The following LARP4 variants were observed in gnomAD, a reference collection of about 807,000 sequenced individuals.
LARP4 encodes La ribonucleoprotein 4.
LARP4 carries 29 observed loss-of-function variants against 92.9 expected under a neutral mutation model. The ratio of observed to expected loss-of-function variants is 0.31; its 90% CI spans 0.23 to 0.43. The LOEUF is 0.43. LARP4 is among the 20% of genes least tolerant of loss of function. The probability of loss-of-function intolerance (pLI) is 1.00; values close to 1 mark genes in which losing one functional copy is unlikely to be tolerated. For missense variants in LARP4, 732 were observed against 860.0 expected (o/e 0.85, Z 1.86); for synonymous variants, 279 against 284.1 (o/e 0.98, Z 0.18).
intron 4 of LARP4, among the ~76,000 whole-genome samples, chr12:50,434,565 C>T (rs1444851470): frequency 3.2e-4 from 49 of 151,512 alleles, no homozygotes; most frequent in Non-Finnish European, 1.0e-4. Flanking sequence ...ACCACCAAGC[C>T]TGGCTAATTT....
chr12:50,408,784 T>A (rs1296053859), intron 1 of LARP4, among the ~76,000 whole-genome samples: 1 of 152,162 alleles, frequency 6.6e-6, no homozygotes, highest in Non-Finnish European at 1.5e-5. Flanking sequence ...GGCAAGACTT[T>A]CTTTCCTGCT....
chr12:50,450,585 G>A (rs1278087261), intron 8 of LARP4, among the ~76,000 whole-genome samples: 1 of 151,876 alleles, frequency 6.6e-6, no homozygotes, highest in Admixed American at 6.6e-5. Context: ...AAAAAAATCC[G>A]CCTCCTGGGT....
At chr12:50,424,442 A>G (rs1304186787) in intron 1 of LARP4, among the ~76,000 whole-genome samples, 2 of 147,380 alleles carry the variant, frequency 1.4e-5, no homozygotes, top group Non-Finnish European at 3.0e-5. Context: ...CACCGCAACC[A>G]CTGTCTATGG....
At chr12:50,450,561 T>C (rs781606960) in intron 8 of LARP4, among the ~76,000 whole-genome samples, 46 of 151,992 alleles carry the variant, frequency 3.0e-4, no homozygotes, top group Non-Finnish European at 6.0e-4. Context: ...CTTTTTCCCA[T>C]ATGAAAATCT....
chr12:50,417,521 A>G (rs1947039109), intron 1 of LARP4, among the ~76,000 whole-genome samples: 1 of 152,158 alleles, frequency 6.6e-6, no homozygotes, highest in African/African-American at 2.4e-5. Context: ...TAACATCTCT[A>G]ATCCAAGATG....
intron 11 of LARP4, among the ~76,000 whole-genome samples, chr12:50,462,126 A>G (rs1189409893): frequency 6.6e-6 from 1 of 152,110 alleles, no homozygotes; most frequent in Non-Finnish European, 1.5e-5. Flanking sequence ...CCCTCAGAAT[A>G]ATATATTATC....
At chr12:50,461,380 A>T in intron 11 of LARP4, 33 bp downstream of exon 11, 1 of 1,560,744 alleles carries the variant, frequency 6.4e-7, no homozygotes, top group Non-Finnish European at 8.8e-7. Flanking sequence ...AACCTTTGAT[A>T]ATAATGTGAT....
rs1447741084 is a variant in LARP4 at position 50,478,943 on chromosome 12, A to G, written c.*3079A>G. ...TTGCAGATGATCAGATGCTGTGCAG[A>G]ATTCTGATTTATTTTTGTTTCCTAA... On this transcript the variant is annotated 3_prime_UTR_variant, in exon 16 of 16. Coordinates refer to ENST00000398473, the MANE Select transcript of LARP4 (RefSeq NM_052879.5). 3.3e-5 allele frequency: 5 copies of G among 152,222 alleles called. No individual in the cohort carries two copies. Among genetic ancestry groups the G allele is most frequent in the African/African-American group, 1.2e-4 (5 of 41,454 alleles). 9.4% of individuals were successfully genotyped at this position (152,222 alleles called of 1,614,324 possible).
At chr12:50,410,647 G>A (rs1032875169) in intron 1 of LARP4, among the ~76,000 whole-genome samples, 4 of 151,078 alleles carry the variant, frequency 2.6e-5, no homozygotes, top group African/African-American at 9.7e-5. Context: ...CTCATGATCC[G>A]CCCTCCTCAG....
chr12:50,415,117 C>T (rs928073410), intron 1 of LARP4, among the ~76,000 whole-genome samples: 1 of 152,082 alleles, frequency 6.6e-6, no homozygotes, highest in African/African-American at 2.4e-5. Flanking sequence ...GCAGGAGAAT[C>T]GCTTGAATCC....
rs1390367875 is a variant in LARP4 at position 50,453,373 on chromosome 12, T to C, written c.805-87T>C. 11 of 753,360 alleles carry C rather than the reference T, an allele frequency of 1.5e-5. No individual in the cohort carries two copies. In the Admixed American group the frequency reaches 2.3e-4, roughly 16 times the overall value. The allele number at this position is 753,360 out of a possible 1,614,324, so 46.7% of individuals were successfully genotyped here. A position where few individuals can be genotyped will look rare whatever the true frequency, so the allele number is the denominator to read the frequency against. ...ACTGTAGGCAGAAATAGTATAGTCA[T>C]GTAAAATATATGTTAAAATGTAAAT... On this transcript the variant is annotated intron_variant, in intron 8 of 15. Transcript: ENST00000398473.
chr12:50,423,333 C>G (rs1031169768), intron 1 of LARP4, among the ~76,000 whole-genome samples: 5 of 152,110 alleles, frequency 3.3e-5, no homozygotes, highest in African/African-American at 1.2e-4. Context: ...TTACATTTAA[C>G]TTCACTTACA....
chr12:50,418,681 A>G (rs2136674998), intron 1 of LARP4, among the ~76,000 whole-genome samples: 1 of 152,206 alleles, frequency 6.6e-6, no homozygotes. Flanking sequence ...TCAGCCTCCC[A>G]TAGTGCTGGG....
At chr12:50,405,317 A>G (rs1198504292) in intron 1 of LARP4, among the ~76,000 whole-genome samples, 1 of 152,192 alleles carries the variant, frequency 6.6e-6, no homozygotes, top group Non-Finnish European at 1.5e-5. Flanking sequence ...TTCTTTTACA[A>G]CAAATTGTTT....
chr12:50,436,049 CTCTG>C (rs1176190834), intron 5 of LARP4, among the ~76,000 whole-genome samples: 2 of 82,536 alleles, frequency 2.4e-5, no homozygotes, highest in African/African-American at 1.1e-4. Flanking sequence ...TTTTTACTGA[CTCTG>C]TGTGTGTGTG....
chr12:50,440,693 G>T, intron 7 of LARP4, 144 bp downstream of exon 7: 1 of 563,850 alleles, frequency 1.8e-6, no homozygotes, highest in Non-Finnish European at 3.2e-6. Flanking sequence ...TTGCTCAATT[G>T]GTTTCCTTTT....
Position 50,429,109 on chromosome 12 carries a change from T to C in LARP4, c.322+19T>C, listed in dbSNP as rs1032403900. 1 of 1,601,916 alleles carries C rather than the reference T, an allele frequency of 6.2e-7. No individual in the cohort carries two copies. The highest frequency in any genetic ancestry group is 1.3e-5 in the African/African-American group (1 of 74,704). ...GTTTCCGGTAAACTTTATGGTTTTA[T>C]TGTTAAAATGAGAATTCAGTACAGG... On this transcript the variant is annotated intron_variant, in intron 3 of 15. Transcript: ENST00000398473.
intron 1 of LARP4, among the ~76,000 whole-genome samples, chr12:50,418,329 A>C (rs1488076771): frequency 1.3e-5 from 2 of 152,092 alleles, no homozygotes; most frequent in African/African-American, 4.8e-5. Flanking sequence ...AAAATAGAGA[A>C]GCGGAAGGAT....
At chr12:50,420,414 G>A (rs1164941892) in intron 1 of LARP4, among the ~76,000 whole-genome samples, 1 of 152,212 alleles carries the variant, frequency 6.6e-6, no homozygotes, top group African/African-American at 2.4e-5. Context: ...TAATAGAGCA[G>A]TTGTGGAGAG....
Sources: gnomAD v4.1 joint callset for allele counts (sites outside exome capture counted in the v4.1 genomes callset) on GRCh38, gnomAD v4.1.1 for gene constraint, MANE v1.5 for transcripts, NCBI Gene and HGNC (gene_info 2026-07-23, HGNC 2026-07-21) for gene names.